Variants in TPGS2 observed in about 807,000 individuals in gnomAD.
TPGS2 encodes polyglutamylase subunit 2.
In TPGS2, 26 loss-of-function variants were observed where a neutral mutation model predicts 31.1. The ratio of observed to expected loss-of-function variants is 0.84; its 90% CI spans 0.61 to 1.16. TPGS2 has a LOEUF of 1.16. Ranked by LOEUF, TPGS2 falls within the 50% of genes most tolerant of loss-of-function variation. The probability of loss-of-function intolerance (pLI) is 0.00; values close to 1 mark genes in which losing one functional copy is unlikely to be tolerated. For synonymous variants in TPGS2, 130 were observed against 136.6 expected (o/e 0.95, Z 0.34); for missense variants, 351 against 363.8 (o/e 0.96, Z 0.29).
At chr18:36,822,113 C>T (rs1308044798) in intron 1 of TPGS2, among the ~76,000 whole-genome samples, 1 of 152,192 alleles carries the variant, frequency 6.6e-6, no homozygotes, top group Admixed American at 6.5e-5. Flanking sequence ...TTTTTGATTC[C>T]ACAGCTATCC....
chr18:36,794,000 C>G (rs1381560763), downstream of TPGS2: 1 of 153,584 alleles, frequency 6.5e-6, no homozygotes, highest in Non-Finnish European at 1.4e-5. Context: ...CTCGGCCTTC[C>G]AAAGTGCTGG....
In TPGS2 at chr18:36,795,521, G is replaced by T; in HGVS notation, c.*1284C>A. Reference sequence around the variant, plus strand: ...CCCACTTTCCCTGTTGGGAAGCAGGGTGAAGGCCTTGCTTCTGCCCACAGC... The same window carrying T: ...CCCACTTTCCCTGTTGGGAAGCAGGTTGAAGGCCTTGCTTCTGCCCACAGC... On this transcript the variant is annotated 3_prime_UTR_variant, in exon 7 of 7. Transcript: ENST00000334295. 1.0e-6 allele frequency: 1 copy of T among 985,464 alleles called. No individual in the cohort carries two copies. Among genetic ancestry groups the T allele is most frequent in the African/African-American group, 1.7e-5 (1 of 57,372 alleles). The allele number at this position is 985,464 out of a possible 1,614,324, so 61.0% of individuals were successfully genotyped here.
chr18:36,797,118 G>C, intron 6 of TPGS2, 68 bp from the exon 7 acceptor site: 1 of 1,580,492 alleles, frequency 6.3e-7, no homozygotes, highest in African/African-American at 1.4e-5. Context: ...TGCTCTTTTT[G>C]TGGGATGCAG....
downstream of TPGS2, among the ~76,000 whole-genome samples, chr18:36,790,463 G>T (rs1393895981): frequency 6.6e-6 from 1 of 152,164 alleles, no homozygotes; most frequent in Admixed American, 6.5e-5. Flanking sequence ...ACAAGGCCTG[G>T]GTGCTAAGAG....
intron 2 of TPGS2, among the ~76,000 whole-genome samples, chr18:36,813,928 T>C (rs1420172013): frequency 1.3e-5 from 2 of 152,162 alleles, no homozygotes; most frequent in Non-Finnish European, 2.9e-5. Flanking sequence ...TGATTTCTTC[T>C]ACTGGAAATG....
downstream of TPGS2, chr18:36,781,922 C>A (rs139935427): frequency 4.7e-4 from 463 of 985,274 alleles, 1 homozygote; most frequent in African/African-American, 7.5e-3. Flanking sequence ...TGTTTAATCA[C>A]CTTATTGAAA....
chr18:36,813,408 G>A (rs1460166854), intron 2 of TPGS2, among the ~76,000 whole-genome samples: 1 of 152,182 alleles, frequency 6.6e-6, no homozygotes, highest in African/African-American at 2.4e-5. Flanking sequence ...ATCCAAGAAT[G>A]GTGATGGCTA....
rs747031217 is a variant in TPGS2 at position 36,828,686 on chromosome 18, G to C, written c.82C>G (p.Leu28Val). 2 of 1,614,088 alleles carry C rather than the reference G, an allele frequency of 1.2e-6. No homozygotes were observed. Among genetic ancestry groups the C allele is most frequent in the Middle Eastern group, 1.6e-4 (1 of 6,062 alleles). ...EKLTLGITRI[L>V]ESSPGVTEVT... Reference sequence around the variant, plus strand: ...GCACCGTGCCCCCTTTCCTCACCTAGGATGCGCGTGATGCCCAGGGTCAGC... The same window carrying C: ...GCACCGTGCCCCCTTTCCTCACCTACGATGCGCGTGATGCCCAGGGTCAGC... The change falls in exon 1 of 7, where the codon CTA becomes GTA. Residue 28 changes from leucine (L) to valine (V), a missense_variant. By Grantham distance (32) the Leu-to-Val change is conservative. Transcript: ENST00000334295.
chr18:36,786,938 G>A (rs1022829283), intron 6 of TPGS2: 12 of 1,234,346 alleles, frequency 9.7e-6, no homozygotes, highest in African/African-American at 1.5e-5. Context: ...CTACAGCTCC[G>A]GGGCTTCATG....
chr18:36,818,877 C>T lies in TPGS2; in HGVS notation c.165+17G>A. On this transcript the variant is annotated intron_variant, in intron 2 of 6. Coordinates refer to ENST00000334295, the MANE Select transcript of TPGS2 (RefSeq NM_015476.4). ...CCTCTCTTTGATGGGAGGTAGAGTTCATGTGGCAACACTTACTTGTTCCCA... is the reference window on the plus strand; with the variant it reads ...CCTCTCTTTGATGGGAGGTAGAGTTTATGTGGCAACACTTACTTGTTCCCA... 1 of 1,610,124 alleles carries T rather than the reference C, an allele frequency of 6.2e-7. No homozygotes were observed. Among genetic ancestry groups the T allele is most frequent in the Non-Finnish European group, 8.5e-7 (1 of 1,177,386 alleles).
At chr18:36,788,346 T>A (rs1297194873) in intron 6 of TPGS2, among the ~76,000 whole-genome samples, 1 of 152,206 alleles carries the variant, frequency 6.6e-6, no homozygotes, top group Non-Finnish European at 1.5e-5. Context: ...TGGTAGCAGA[T>A]GTGGCCTGGA....
intron 6 of TPGS2, chr18:36,787,117 T>C: frequency 8.1e-7 from 1 of 1,232,364 alleles, no homozygotes; most frequent in Non-Finnish European, 1.0e-6. Flanking sequence ...GGGTCTTGGT[T>C]CAGAATTTAA....
At chr18:36,788,404 GTC>G (rs1246640905) in intron 6 of TPGS2, among the ~76,000 whole-genome samples, 2 of 152,148 alleles carry the variant, frequency 1.3e-5, no homozygotes. Context: ...CCATATCACC[GTC>G]TCTGTCCCAT....
chr18:36,801,606 T>C (rs1288474111), intron 4 of TPGS2, among the ~76,000 whole-genome samples: 1 of 152,224 alleles, frequency 6.6e-6, no homozygotes, highest in East Asian at 1.9e-4. Context: ...AGTGCTGGGA[T>C]TACAGGTGTG....
chr18:36,784,405 A>G (rs766129216), intron 6 of TPGS2, among the ~76,000 whole-genome samples: 36 of 152,246 alleles, frequency 2.4e-4, no homozygotes, highest in Non-Finnish European at 4.4e-4. Context: ...CTCTGCAGCC[A>G]TATCTAGATT....
At position 36,794,975 on chromosome 18, in the gene TPGS2, A is replaced by G. The variant is rs960547870; in HGVS notation, c.*1830T>C. ...TTTAAAGCAAATGAAGAAGCTGTTA[A>G]TACGAAGCTCAGTTTATGCTCCCAA... On this transcript the variant is annotated 3_prime_UTR_variant, in exon 7 of 7. Coordinates refer to ENST00000334295, the MANE Select transcript of TPGS2 (RefSeq NM_015476.4). 4 of 985,286 alleles carry G rather than the reference A, an allele frequency of 4.1e-6. No homozygotes were observed. In the African/African-American group the frequency reaches 7.0e-5, roughly 17 times the overall value. 61.0% of individuals were successfully genotyped at this position (985,286 alleles called of 1,614,324 possible).
chr18:36,790,101 C>T (rs2044256427), downstream of TPGS2: 2 of 152,234 alleles, frequency 1.3e-5, no homozygotes, highest in Non-Finnish European at 2.9e-5. Context: ...TCTCTCTTGA[C>T]ATATCCCACC....
chr18:36,810,950 C>T (rs1444739919), intron 2 of TPGS2, among the ~76,000 whole-genome samples: 2 of 152,132 alleles, frequency 1.3e-5, no homozygotes, highest in African/African-American at 2.4e-5. Flanking sequence ...CCATTATTCC[C>T]CTCACTTTTA....
At chr18:36,798,680 G>T in intron 5 of TPGS2, 71 bp from the exon 6 acceptor site, 1 of 1,540,150 alleles carries the variant, frequency 6.5e-7, no homozygotes, top group African/African-American at 1.4e-5. Flanking sequence ...ACTGTAAAAG[G>T]TTATACTCAT....
Sources: allele counts gnomAD v4.1 joint callset (sites outside exome capture counted in the v4.1 genomes callset), GRCh38; gene constraint gnomAD v4.1.1; transcripts MANE v1.5; gene names NCBI Gene and HGNC (gene_info 2026-07-23, HGNC 2026-07-21).